Variants in SYT13 observed in about 807,000 individuals in gnomAD.
SYT13 encodes the protein synaptotagmin 13.
Under a neutral mutation model 38.6 loss-of-function variants are expected in SYT13, and 21 were observed. The ratio of observed to expected loss-of-function variants is 0.54; its 90% CI spans 0.39 to 0.78. The LOEUF (loss-of-function observed/expected upper bound fraction) is 0.78, where lower values mean the gene tolerates loss of function less well. Ranked by LOEUF, SYT13 falls within the 30% of genes least tolerant of loss-of-function variation. SYT13 has a pLI of 0.00. For missense variants in SYT13, 495 were observed against 548.7 expected, an observed-to-expected ratio of 0.90 and a Z score of 0.98; for synonymous variants, 241 against 237.6, an observed-to-expected ratio of 1.01 and a Z score of -0.13.
chr11:45,243,949 C>G lies in SYT13; in HGVS notation c.*103G>C. The G allele has an allele frequency of 3.2e-6, 4 of 1,259,938 alleles. No individual in the cohort carries two copies. The highest frequency in any genetic ancestry group is 4.4e-6 in the Non-Finnish European group (4 of 912,968). The allele number at this position is 1,259,938 out of a possible 1,614,324, so 78.0% of individuals were successfully genotyped here. ...AGCCATCCCAGCCTTGCAAACACAT[C>G]TGTCACTGTCTTCTGGGTGTCAGAA... On this transcript the variant is annotated 3_prime_UTR_variant, in exon 6 of 6. Coordinates refer to ENST00000020926, the MANE Select transcript of SYT13 (RefSeq NM_020826.3).
At position 45,254,540 on chromosome 11, in the gene SYT13, C is replaced by T. The variant is rs538501829; in HGVS notation, c.410-136G>A. 138 of 1,251,086 alleles carry T rather than the reference C, an allele frequency of 1.1e-4. 1 individual carries two copies. In the South Asian group the frequency reaches 2.1e-3, roughly 19 times the overall value. The allele number at this position is 1,251,086 out of a possible 1,614,324, so 77.5% of individuals were successfully genotyped here. A position where few individuals can be genotyped will look rare whatever the true frequency, so the allele number is the denominator to read the frequency against. On this transcript the variant is annotated intron_variant, in intron 2 of 5. Transcript: ENST00000020926. ...CAGCTGTGTGCAGAATCACAGTGGC[C>T]ACACCAAGACAACAGGTGGGGTCAA...
chr11:45,248,214 G>C (rs913323324), intron 4 of SYT13, among the ~76,000 whole-genome samples: 47 of 151,860 alleles, frequency 3.1e-4, no homozygotes, highest in African/African-American at 1.1e-3. Context: ...ATGAATGGTA[G>C]CAGCTAACAT....
chr11:45,277,845 C>A (rs1245771450), intron 1 of SYT13, among the ~76,000 whole-genome samples: 3 of 152,222 alleles, frequency 2.0e-5, no homozygotes, highest in South Asian at 2.1e-4. Flanking sequence ...AGGTTACCTA[C>A]CACCAGCACA....
At chr11:45,264,045 A>G (rs911316655) in intron 1 of SYT13, among the ~76,000 whole-genome samples, 1 of 152,234 alleles carries the variant, frequency 6.6e-6, no homozygotes, top group African/African-American at 2.4e-5. Flanking sequence ...GTTTGTGTGT[A>G]GGGACCAGTT....
chr11:45,247,029 TA>T (rs1428375800), intron 4 of SYT13, among the ~76,000 whole-genome samples: 4 of 152,030 alleles, frequency 2.6e-5, no homozygotes, highest in Admixed American at 6.5e-5. Context: ...GAATGACAAG[TA>T]ATGTCAATGA....
chr11:45,269,065 G>A (rs2135903822), intron 1 of SYT13, among the ~76,000 whole-genome samples: 1 of 152,248 alleles, frequency 6.6e-6, no homozygotes, highest in African/African-American at 2.4e-5. Context: ...GAGGGTGGTA[G>A]GAGAAGGAAG....
intron 1 of SYT13, among the ~76,000 whole-genome samples, chr11:45,266,503 T>TACACACACACAC (rs68112111): frequency 6.4e-4 from 95 of 147,386 alleles, no homozygotes; most frequent in African/African-American, 1.6e-3. Context: ...CCCTCTCAAA[T>TACACACACACAC]ACACACACAC....
intron 1 of SYT13, among the ~76,000 whole-genome samples, chr11:45,282,345 G>C (rs1428047915): frequency 6.6e-6 from 1 of 152,202 alleles, no homozygotes; most frequent in African/African-American, 2.4e-5. Context: ...AAAGGGTCCA[G>C]AGTGTATATT....
chr11:45,272,126 A>G (rs995892813), intron 1 of SYT13, among the ~76,000 whole-genome samples: 3 of 152,114 alleles, frequency 2.0e-5, no homozygotes, highest in African/African-American at 4.8e-5. Context: ...GTTCTCACCC[A>G]TAAGTGGAAG....
At chr11:45,266,336 C>G (rs914095841) in intron 1 of SYT13, among the ~76,000 whole-genome samples, 2 of 152,150 alleles carry the variant, frequency 1.3e-5, no homozygotes, top group Admixed American at 6.5e-5. Flanking sequence ...GGATCTTTCT[C>G]CAAATCTCCA....
rs1425117253 is a variant in SYT13, at chr11:45,240,371, A to G, written c.*3681T>C. 2 of 152,660 alleles carry G rather than the reference A, an allele frequency of 1.3e-5. No individual in the cohort carries two copies. Among genetic ancestry groups the G allele is most frequent in the Non-Finnish European group, 2.9e-5 (2 of 68,044 alleles). 9.5% of individuals were successfully genotyped at this position (152,660 alleles called of 1,614,324 possible). A position where few individuals can be genotyped will look rare whatever the true frequency, so the allele number is the denominator to read the frequency against. The stretch of plus-strand genomic sequence containing the variant: ...AAAGTGTCACACCAGACATATGACT[A>G]CAATGTCTCATGCATCTTTTTGTGC... On this transcript the variant is annotated 3_prime_UTR_variant, in exon 6 of 6. Transcript: ENST00000020926.
chr11:45,279,005 T>C (rs749823349), intron 1 of SYT13, among the ~76,000 whole-genome samples: 3 of 152,194 alleles, frequency 2.0e-5, no homozygotes, highest in Non-Finnish European at 4.4e-5. Context: ...ATCGAAAGCA[T>C]TGGGAAAGGT....
intron 4 of SYT13, among the ~76,000 whole-genome samples, chr11:45,250,403 G>A (rs1854658677): frequency 6.6e-6 from 1 of 152,238 alleles, no homozygotes; most frequent in Non-Finnish European, 1.5e-5. Flanking sequence ...GGTATTTGCA[G>A]AATGAATGAA....
At chr11:45,264,560 G>A (rs1854858801) in intron 1 of SYT13, among the ~76,000 whole-genome samples, 1 of 152,146 alleles carries the variant, frequency 6.6e-6, no homozygotes, top group East Asian at 1.9e-4. Context: ...GGTTGCCCCA[G>A]TCAAACCCTG....
chr11:45,248,025 T>G (rs1196205300), intron 4 of SYT13, among the ~76,000 whole-genome samples: 1 of 152,224 alleles, frequency 6.6e-6, no homozygotes, highest in African/African-American at 2.4e-5. Context: ...GCATAGACTC[T>G]AAACCAGATT....
rs2902432 is a variant in SYT13, at chr11:45,272,944, A to G, written c.183+13081T>C. ...TCACTGTTGGTCCTGAGTTTTGCCA[A>G]TTTCATTGGCACACTTCCTCTGACT... On this transcript the variant is annotated intron_variant, in intron 1 of 5. Coordinates refer to ENST00000020926, the MANE Select transcript of SYT13 (RefSeq NM_020826.3). Among the ~76,000 whole-genome samples the G allele has an allele frequency of 2.9e-3, 447 of 152,300 alleles. 2 individuals are homozygous for G. The highest frequency in any genetic ancestry group is 0.01 in the African/African-American group (424 of 41,562).
chr11:45,242,237 C>T lies in SYT13; in HGVS notation c.*1815G>A, dbSNP rs1378005936. On this transcript the variant is annotated 3_prime_UTR_variant, in exon 6 of 6. Coordinates refer to ENST00000020926, the MANE Select transcript of SYT13 (RefSeq NM_020826.3). The stretch of plus-strand genomic sequence containing the variant: ...CCATGGTTCTGGAAATGCCACGATG[C>T]TTCTGGCACTTTCTGGGCATTCTCA... 6.6e-6 allele frequency: 1 copy of T among 152,146 alleles called. No individual in the cohort carries two copies. Among genetic ancestry groups the T allele is most frequent in the African/African-American group, 2.4e-5 (1 of 41,430 alleles). The allele number at this position is 152,146 out of a possible 1,614,324, so 9.4% of individuals were successfully genotyped here. A position where few individuals can be genotyped will look rare whatever the true frequency, so the allele number is the denominator to read the frequency against.
chr11:45,261,918 A>AC (rs1323035262), intron 1 of SYT13, among the ~76,000 whole-genome samples: 1 of 150,786 alleles, frequency 6.6e-6, no homozygotes, highest in Non-Finnish European at 1.5e-5. Flanking sequence ...CTTGTCTCAA[A>AC]AAAAAAAAAA....
intron 1 of SYT13, among the ~76,000 whole-genome samples, chr11:45,283,009 G>C (rs555389011): frequency 6.6e-6 from 1 of 152,218 alleles, no homozygotes; most frequent in African/African-American, 2.4e-5. Context: ...TTAGTCAGGC[G>C]TGGTGGCACG....
Sources: allele counts gnomAD v4.1 joint callset (sites outside exome capture counted in the v4.1 genomes callset), GRCh38; gene constraint gnomAD v4.1.1; transcripts MANE v1.5; gene names NCBI Gene and HGNC (gene_info 2026-07-23, HGNC 2026-07-21).